The following CNTNAP2 variants were observed in gnomAD, a reference collection of about 807,000 sequenced individuals.
CNTNAP2 encodes the protein contactin-associated protein-like 2.
CNTNAP2 carries 98 observed loss-of-function variants against 155.2 expected under a neutral mutation model. The observed-to-expected ratio is 0.63, with a 90% CI of 0.54 to 0.75. The LOEUF (loss-of-function observed/expected upper bound fraction) is 0.75, where lower values mean the gene tolerates loss of function less well. CNTNAP2 is among the 30% of genes least tolerant of loss of function. CNTNAP2 has a pLI of 0.00. For missense variants in CNTNAP2, 1,727 were observed against 1,688.1 expected (o/e 1.02, Z -0.40); for synonymous variants, 651 against 631.2 (o/e 1.03, Z -0.47).
At chr7:147,331,899 A>G (rs1227007061) in intron 9 of CNTNAP2, among the ~76,000 whole-genome samples, 1 of 152,180 alleles carries the variant, frequency 6.6e-6, no homozygotes, top group African/African-American at 2.4e-5. Context: ...CAGCTGCTTC[A>G]GTATCTCAGA....
intron 18 of CNTNAP2, among the ~76,000 whole-genome samples, chr7:148,213,235 G>A (rs1795579043): frequency 6.6e-6 from 1 of 152,056 alleles, no homozygotes; most frequent in African/African-American, 2.4e-5. Context: ...CTAAATTCTG[G>A]GACTAGGCCT....
chr7:148,006,918 G>C (rs1475351843), intron 15 of CNTNAP2, among the ~76,000 whole-genome samples: 1 of 152,132 alleles, frequency 6.6e-6, no homozygotes, highest in Non-Finnish European at 1.5e-5. Context: ...GGAATATATA[G>C]AACATTCTAG....
intron 10 of CNTNAP2, among the ~76,000 whole-genome samples, chr7:147,465,722 T>C (rs1488891885): frequency 6.6e-6 from 1 of 152,214 alleles, no homozygotes; most frequent in Non-Finnish European, 1.5e-5. Context: ...CACGTGTCTA[T>C]GTGTCTTTGG....
intron 15 of CNTNAP2, among the ~76,000 whole-genome samples, chr7:147,985,751 G>A (rs924636387): frequency 7.2e-5 from 11 of 152,100 alleles, no homozygotes; most frequent in African/African-American, 2.4e-4. Context: ...CTAACACCTA[G>A]AAAGGATTCA....
intron 3 of CNTNAP2, among the ~76,000 whole-genome samples, chr7:146,995,507 T>C (rs367774840): frequency 8.2e-4 from 125 of 152,184 alleles, no homozygotes; most frequent in African/African-American, 2.9e-3. Context: ...GTTATCTTTT[T>C]TCTTTCTGAT....
chr7:147,423,349 A>G (rs1356573423), intron 10 of CNTNAP2, among the ~76,000 whole-genome samples: 3 of 152,180 alleles, frequency 2.0e-5, no homozygotes, highest in Admixed American at 6.5e-5. Context: ...GCAGTAATTT[A>G]TATGCCCAAA....
intron 13 of CNTNAP2, among the ~76,000 whole-genome samples, chr7:147,778,244 T>C (rs1563085755): frequency 6.6e-6 from 1 of 152,206 alleles, no homozygotes; most frequent in Non-Finnish European, 1.5e-5. Context: ...TTTCTGAACA[T>C]AGACAGAGAC....
At chr7:147,991,631 A>C (rs1801712554) in intron 15 of CNTNAP2, among the ~76,000 whole-genome samples, 1 of 152,190 alleles carries the variant, frequency 6.6e-6, no homozygotes, top group Non-Finnish European at 1.5e-5. Flanking sequence ...TGGCAATTCT[A>C]AATTAAGATG....
chr7:147,507,843 G>T (rs967278445), intron 11 of CNTNAP2, among the ~76,000 whole-genome samples: 9 of 152,086 alleles, frequency 5.9e-5, no homozygotes. Flanking sequence ...GAGCCACCGC[G>T]CCTGGCCACT....
At chr7:146,231,875 T>C (rs1266109350) in intron 1 of CNTNAP2, among the ~76,000 whole-genome samples, 1 of 152,208 alleles carries the variant, frequency 6.6e-6, no homozygotes, top group Non-Finnish European at 1.5e-5. Flanking sequence ...TCTTGTCCAT[T>C]TGTGCAGAAA....
chr7:148,368,930 C>T (rs1207201402), intron 21 of CNTNAP2, among the ~76,000 whole-genome samples: 12 of 152,142 alleles, frequency 7.9e-5, no homozygotes, highest in Admixed American at 5.2e-4. Flanking sequence ...TTAGGTCAGG[C>T]GGGCCCAGGC....
At chr7:146,616,863 A>G (rs544250070) in intron 1 of CNTNAP2, among the ~76,000 whole-genome samples, 2 of 152,362 alleles carry the variant, frequency 1.3e-5, no homozygotes, top group South Asian at 4.1e-4. Flanking sequence ...TTATAATGAA[A>G]CATGCATTGA....
At chr7:147,498,454 G>C (rs1260991879) in intron 11 of CNTNAP2, among the ~76,000 whole-genome samples, 1 of 152,224 alleles carries the variant, frequency 6.6e-6, no homozygotes, top group Non-Finnish European at 1.5e-5. Flanking sequence ...CCACTGAACA[G>C]AGGTCATTTT....
intron 13 of CNTNAP2, among the ~76,000 whole-genome samples, chr7:147,794,658 A>G (rs1223988393): frequency 1.3e-5 from 2 of 151,794 alleles, no homozygotes; most frequent in Non-Finnish European, 2.9e-5. Flanking sequence ...CATAGAATGA[A>G]TAGGGATACC....
At chr7:147,308,981 C>G (rs1035818280) in intron 9 of CNTNAP2, among the ~76,000 whole-genome samples, 1 of 152,162 alleles carries the variant, frequency 6.6e-6, no homozygotes, top group South Asian at 2.1e-4. Flanking sequence ...AGCTAAGAAG[C>G]TGTTATACTA....
At chr7:146,985,369 G>A (rs1798097269) in intron 3 of CNTNAP2, among the ~76,000 whole-genome samples, 1 of 141,136 alleles carries the variant, frequency 7.1e-6, no homozygotes, top group South Asian at 2.2e-4. Flanking sequence ...CCAGGCTGAA[G>A]TGCAGTGGTG....
At chr7:146,496,014 G>T (rs1044854161) in intron 1 of CNTNAP2, among the ~76,000 whole-genome samples, 52 of 152,144 alleles carry the variant, frequency 3.4e-4, no homozygotes, top group African/African-American at 1.2e-3. Context: ...TATTTGCTGG[G>T]TCTAAATAGA....
At chr7:148,178,748 G>A (rs1157261865) in intron 18 of CNTNAP2, among the ~76,000 whole-genome samples, 1 of 152,182 alleles carries the variant, frequency 6.6e-6, no homozygotes, top group Non-Finnish European at 1.5e-5. Flanking sequence ...ACAGAATAAT[G>A]TGAATGAATT....
intron 14 of CNTNAP2, among the ~76,000 whole-genome samples, chr7:147,967,589 T>A (rs965010995): frequency 1.3e-5 from 2 of 152,314 alleles, no homozygotes; most frequent in Non-Finnish European, 2.9e-5. Flanking sequence ...TAGACACTGT[T>A]TTATTCCTAG....
Sources: gnomAD v4.1 joint callset for allele counts (sites outside exome capture counted in the v4.1 genomes callset) on GRCh38, gnomAD v4.1.1 for gene constraint, MANE v1.5 for transcripts, NCBI Gene and HGNC (gene_info 2026-07-23, HGNC 2026-07-21) for gene names.